The following USP48 variants were observed in gnomAD, a reference collection of about 807,000 sequenced individuals.
USP48 encodes ubiquitin carboxyl-terminal hydrolase 48.
A neutral mutation model predicts 150.7 loss-of-function variants in USP48; 43 were observed. The observed-to-expected ratio is 0.29, with a 90% CI of 0.22 to 0.37. USP48 has a LOEUF of 0.37. USP48 is among the 10% of genes least tolerant of loss of function. The pLI is 1.00. For synonymous variants in USP48, 396 were observed against 425.9 expected, an observed-to-expected ratio of 0.93 and a Z score of 0.86; for missense variants, 813 against 1,249.6, an observed-to-expected ratio of 0.65 and a Z score of 5.27.
chr1:21,755,708 C>A (rs572382808), intron 3 of USP48, among the ~76,000 whole-genome samples: 10 of 152,148 alleles, frequency 6.6e-5, no homozygotes, highest in Non-Finnish European at 1.3e-4. Context: ...AATATTACTC[C>A]TTGGGGTGCA....
Position 21,729,155 on chromosome 1 carries a change from C to T in USP48, c.1301-436G>A, listed in dbSNP as rs562308575. Among the ~76,000 whole-genome samples, 15 of 152,056 alleles carry T rather than the reference C, an allele frequency of 9.9e-5. 1 individual carries two copies. Among genetic ancestry groups the T allele is most frequent in the South Asian group, 8.3e-4 (4 of 4,808 alleles). On this transcript the variant is annotated intron_variant, in intron 10 of 26. Transcript: ENST00000308271. ...AAAATTAGCTGGGCGTGGTGGCACG[C>T]ACCTGTAATCCCAGCTACTCGGGAG...
intron 5 of USP48, 75 bp downstream of exon 5, chr1:21,752,452 G>A: frequency 6.5e-7 from 1 of 1,544,592 alleles, no homozygotes; most frequent in Non-Finnish European, 8.8e-7. Flanking sequence ...ACCTGGAACT[G>A]CACTGAAAAA....
At chr1:21,720,147 A>G (rs1571850189) in intron 14 of USP48, among the ~76,000 whole-genome samples, 1 of 152,350 alleles carries the variant, frequency 6.6e-6, no homozygotes, top group East Asian at 1.9e-4. Context: ...TGCCCTCTCT[A>G]TTTGATGAAA....
chr1:21,748,544 T>C (rs2097801149), intron 6 of USP48, among the ~76,000 whole-genome samples: 1 of 152,252 alleles, frequency 6.6e-6, no homozygotes, highest in South Asian at 2.1e-4. Flanking sequence ...GTCCTGGTAA[T>C]CCCACTTCTG....
chr1:21,770,075 C>A (rs183938004), intron 1 of USP48, among the ~76,000 whole-genome samples: 2 of 151,710 alleles, frequency 1.3e-5, no homozygotes, highest in East Asian at 3.9e-4. Context: ...ATAATCCCAG[C>A]ACTTTGGGAG....
intron 3 of USP48, among the ~76,000 whole-genome samples, chr1:21,754,255 G>A (rs1040545015): frequency 1.6e-4 from 25 of 152,116 alleles, no homozygotes; most frequent in Non-Finnish European, 3.1e-4. Context: ...AAAGGCAAGA[G>A]CCTACCTGTA....
At chr1:21,751,914 A>G (rs1317851826) in intron 5 of USP48, among the ~76,000 whole-genome samples, 1 of 150,226 alleles carries the variant, frequency 6.7e-6, no homozygotes, top group Non-Finnish European at 1.5e-5. Context: ...GCTACTCGGG[A>G]GGCTGAGGCA....
Position 21,747,073 on chromosome 1 carries a change from G to C in USP48, c.985C>G (p.His329Asp). 3.1e-6 allele frequency: 5 copies of C among 1,607,632 alleles called. No individual in the cohort carries two copies. Among genetic ancestry groups the C allele is most frequent in the Non-Finnish European group, 4.2e-6 (5 of 1,177,196 alleles). Residue 329 changes from histidine (H) to aspartate (D), a missense_variant, in exon 8 of 27, where the codon CAT (histidine) becomes GAT (aspartate). Physicochemically the swap from His to Asp is moderately conservative, Grantham distance 81. Coordinates refer to ENST00000308271, the MANE Select transcript of USP48 (RefSeq NM_032236.8). ...EILDMEPYVEHKGGSYVYELS... is the reference protein window; with the variant it reads ...EILDMEPYVEDKGGSYVYELS... ...TCCTCAGTAAAAATATTACCTTTAT[G>C]TTCCACATAAGGCTCCATATCCAAA...
chr1:21,734,548 A>T (rs1281512323), intron 9 of USP48, among the ~76,000 whole-genome samples: 2 of 152,236 alleles, frequency 1.3e-5, no homozygotes, highest in Admixed American at 6.5e-5. Context: ...GTTCCTGCCT[A>T]CTGGACACCT....
chr1:21,742,899 C>T (rs960883225), intron 8 of USP48, among the ~76,000 whole-genome samples: 2 of 152,208 alleles, frequency 1.3e-5, no homozygotes, highest in African/African-American at 4.8e-5. Flanking sequence ...ACAGAAGCAA[C>T]AAAACAACAC....
chr1:21,747,039 A>C (rs769243960), intron 8 of USP48, 28 bp downstream of exon 8: 2 of 1,519,646 alleles, frequency 1.3e-6, no homozygotes, highest in South Asian at 2.4e-5. Flanking sequence ...TGAGCATTAT[A>C]ATGTTTACTC....
chr1:21,757,210 T>C (rs532452588), intron 2 of USP48, among the ~76,000 whole-genome samples: 2 of 152,212 alleles, frequency 1.3e-5, no homozygotes, highest in East Asian at 1.9e-4. Flanking sequence ...TATTAAAATA[T>C]CTATATATAA....
At chr1:21,697,054 G>C (rs964177951) in intron 22 of USP48, among the ~76,000 whole-genome samples, 1 of 152,030 alleles carries the variant, frequency 6.6e-6, no homozygotes, top group South Asian at 2.1e-4. Flanking sequence ...TTCCACAGTC[G>C]TCACTGAATG....
At chr1:21,751,475 C>T in intron 6 of USP48, 32 bp downstream of exon 6, 1 of 1,512,840 alleles carries the variant, frequency 6.6e-7, no homozygotes, top group Non-Finnish European at 9.2e-7. Flanking sequence ...TGTTAATGGG[C>T]AGGAACAATA....
Position 21,752,992 on chromosome 1 carries a change from C to T in USP48, c.540G>A (p.Gln180=), listed in dbSNP as rs1226885684. Residue 180 remains glutamine (Q), a splice_region_variant and synonymous_variant, in exon 4 of 27, where the codon CAG becomes CAA. Transcript: ENST00000308271. The part of the protein sequence containing the change: ...KALGLDTGQQ[Q]DAQEFSKLFM... The stretch of plus-strand genomic sequence containing the variant: ...AAAAAAAAAAAAATTCAGTTCTTAC[C>T]TGCTGTTGTCCAGTGTCCAGGCCCA... 2 of 1,587,048 alleles carry T rather than the reference C, an allele frequency of 1.3e-6. No individual in the cohort carries two copies. Among genetic ancestry groups the T allele is most frequent in the African/African-American group, 2.7e-5 (2 of 72,894 alleles).
intron 3 of USP48, among the ~76,000 whole-genome samples, chr1:21,753,405 A>AT (rs2097822028): frequency 6.6e-6 from 1 of 152,036 alleles, no homozygotes; most frequent in South Asian, 2.1e-4. Flanking sequence ...AAATACAAAT[A>AT]TTAGCCGGGT....
At chr1:21,711,653 C>T (rs2097690530) in intron 15 of USP48, among the ~76,000 whole-genome samples, 1 of 152,150 alleles carries the variant, frequency 6.6e-6, no homozygotes, top group South Asian at 2.1e-4. Context: ...GCAGACAGTG[C>T]CATTGGGAAT....
At chr1:21,760,035 T>C (rs544043616) in intron 1 of USP48, among the ~76,000 whole-genome samples, 1 of 152,318 alleles carries the variant, frequency 6.6e-6, no homozygotes, top group East Asian at 1.9e-4. Context: ...TGAATCTAAT[T>C]GACACCACAC....
Position 21,679,457 on chromosome 1 carries a change from C to T in USP48, c.3086-18G>A, listed in dbSNP as rs770810159. The T allele has an allele frequency of 3.2e-5, 52 of 1,613,730 alleles. No homozygotes were observed. Among genetic ancestry groups the T allele is most frequent in the African/African-American group, 1.9e-4 (14 of 74,922 alleles). On this transcript the variant is annotated intron_variant, in intron 26 of 26. Transcript: ENST00000308271. ...ACCAGTACCTGGGAAAAGAAACACA[C>T]GTGGAGGGATAGTTGTGAACTACAG...
Sources: gnomAD v4.1 joint callset for allele counts (sites outside exome capture counted in the v4.1 genomes callset) on GRCh38, gnomAD v4.1.1 for gene constraint, MANE v1.5 for transcripts, NCBI Gene and HGNC (gene_info 2026-07-23, HGNC 2026-07-21) for gene names.